PHACTR3: variants seen among roughly 807,000 people sequenced by gnomAD.
PHACTR3 encodes the protein phosphatase and actin regulator 3, also known as protein phosphatase 1, regulatory subunit 123.
Under a neutral mutation model 66.8 loss-of-function variants are expected in PHACTR3, and 16 were observed. The ratio of observed to expected loss-of-function variants is 0.24; its 90% confidence interval spans 0.16 to 0.36. PHACTR3 has a LOEUF of 0.36. Ranked by LOEUF, PHACTR3 falls within the 10% of genes least tolerant of loss-of-function variation. PHACTR3 has a pLI of 1.00. For synonymous variants in PHACTR3, 323 were observed against 292.1 expected (o/e 1.11, Z -1.08); for missense variants, 647 against 719.9 (o/e 0.90, Z 1.16).
chr20:59,598,108 G>A (rs1276029066), intron 1 of PHACTR3, among the ~76,000 whole-genome samples: 4 of 151,936 alleles, frequency 2.6e-5, no homozygotes, highest in African/African-American at 9.7e-5. Context: ...AAGAGTGCAG[G>A]GGCCAGTGGG....
chr20:59,833,357 G>C (rs999402242), intron 8 of PHACTR3, among the ~76,000 whole-genome samples: 2 of 152,240 alleles, frequency 1.3e-5, no homozygotes, highest in Admixed American at 1.3e-4. Flanking sequence ...AGGTGTACCA[G>C]TTGGATGAAA....
At chr20:59,840,462 A>C in intron 10 of PHACTR3, 32 bp downstream of exon 10, 1 of 1,611,318 alleles carries the variant, frequency 6.2e-7, no homozygotes, top group Non-Finnish European at 8.5e-7. Flanking sequence ...CTGAATAATA[A>C]AAGGTGGTCT....
chr20:59,793,668 T>C (rs4810189), intron 7 of PHACTR3, among the ~76,000 whole-genome samples: 111,502 of 152,108 alleles, frequency 0.73, 46,064 homozygotes, highest in Non-Finnish European at 0.93. Flanking sequence ...TTTTAACAGT[T>C]TTTTGGTGAG....
chr20:59,598,259 A>C (rs558726656), intron 1 of PHACTR3, among the ~76,000 whole-genome samples: 1 of 152,348 alleles, frequency 6.6e-6, no homozygotes, highest in South Asian at 2.1e-4. Context: ...CGGAAGGAGA[A>C]TATCAAAGGG....
intron 7 of PHACTR3, among the ~76,000 whole-genome samples, chr20:59,793,798 C>G (rs2041172522): frequency 6.6e-6 from 1 of 151,290 alleles, no homozygotes; most frequent in Non-Finnish European, 1.5e-5. Context: ...GCTAGGACTT[C>G]TAGTATTTTG....
chr20:59,809,014 C>T (rs900051762), intron 8 of PHACTR3, among the ~76,000 whole-genome samples: 1 of 152,190 alleles, frequency 6.6e-6, no homozygotes, highest in Non-Finnish European at 1.5e-5. Flanking sequence ...ACAGAACGCT[C>T]CCCGGGTGAG....
At chr20:59,608,056 T>A (rs1420534731) in intron 1 of PHACTR3, among the ~76,000 whole-genome samples, 1 of 152,200 alleles carries the variant, frequency 6.6e-6, no homozygotes, top group Non-Finnish European at 1.5e-5. Flanking sequence ...ATTCACACTT[T>A]CCGTAATCTA....
At chr20:59,816,146 C>T (rs962230513) in intron 8 of PHACTR3, among the ~76,000 whole-genome samples, 1 of 151,516 alleles carries the variant, frequency 6.6e-6, no homozygotes, top group African/African-American at 2.4e-5. Context: ...TGATGGGAAA[C>T]AGGGATGGAT....
chr20:59,827,084 G>A (rs186592071), intron 8 of PHACTR3, among the ~76,000 whole-genome samples: 10,087 of 152,026 alleles, frequency 0.066, 679 homozygotes, highest in African/African-American at 0.18. Flanking sequence ...AGGTGACCTG[G>A]ATGTCCCTTG....
intron 1 of PHACTR3, among the ~76,000 whole-genome samples, chr20:59,734,489 C>T (rs936394287): frequency 6.6e-6 from 1 of 152,160 alleles, no homozygotes; most frequent in African/African-American, 2.4e-5. Flanking sequence ...AACTCATGCC[C>T]TCAAGCAGCC....
intron 7 of PHACTR3, among the ~76,000 whole-genome samples, chr20:59,787,647 T>A (rs2146945867): frequency 6.6e-6 from 1 of 152,260 alleles, no homozygotes; most frequent in East Asian, 1.9e-4. Flanking sequence ...CCCATTCCAC[T>A]CCTTAGACAG....
intron 8 of PHACTR3, among the ~76,000 whole-genome samples, chr20:59,812,373 TG>T (rs1482200981): frequency 6.6e-6 from 1 of 152,222 alleles, no homozygotes; most frequent in Non-Finnish European, 1.5e-5. Flanking sequence ...CGTTTTGTCC[TG>T]TGGCCTCCAG....
At chr20:59,606,139 C>T (rs2033660204) in intron 1 of PHACTR3, among the ~76,000 whole-genome samples, 1 of 152,096 alleles carries the variant, frequency 6.6e-6, no homozygotes, top group South Asian at 2.1e-4. Flanking sequence ...ATGCAACGAC[C>T]CCAGATGGGG....
chr20:59,768,799 C>T (rs2040268934), intron 5 of PHACTR3, among the ~76,000 whole-genome samples: 1 of 152,204 alleles, frequency 6.6e-6, no homozygotes, highest in Non-Finnish European at 1.5e-5. Flanking sequence ...TCCTTGTACA[C>T]CTAACACGAA....
At chr20:59,728,171 C>T (rs1166361676) in intron 1 of PHACTR3, among the ~76,000 whole-genome samples, 1 of 152,146 alleles carries the variant, frequency 6.6e-6, no homozygotes, top group Non-Finnish European at 1.5e-5. Flanking sequence ...TGCCCATTCT[C>T]CCCTCCCACA....
intron 1 of PHACTR3, among the ~76,000 whole-genome samples, chr20:59,605,859 G>C (rs1441626414): frequency 1.7e-3 from 10 of 6,042 alleles, no homozygotes; most frequent in Non-Finnish European, 2.3e-3. Flanking sequence ...GGGGGGAGGT[G>C]GGGGGGGGGG....
At position 59,787,682 on chromosome 20, in the gene PHACTR3, G is replaced by C. The variant is rs184660638; in HGVS notation, c.1174+13192G>C. Among the ~76,000 whole-genome samples the C allele has an allele frequency of 2.3e-3, 344 of 152,318 alleles. 4 individuals are homozygous for C. Among genetic ancestry groups the C allele is most frequent in the African/African-American group, 8.2e-3 (340 of 41,556 alleles). On this transcript the variant is annotated intron_variant, in intron 7 of 12. Transcript: ENST00000371015. ...GCCCCTCTGGCCAGGAGCTGGAGAG[G>C]AGAGTTTCCAGTGCCATTCCTTAGT...
At chr20:59,601,518 GT>G (rs1424602198), upstream of PHACTR3, among the ~76,000 whole-genome samples, 15 of 152,322 alleles carry the variant, frequency 9.8e-5, no homozygotes, top group East Asian at 2.9e-3. Flanking sequence ...ACAAAAACCT[GT>G]TGTGGGCCCT....
At chr20:59,803,081 G>T (rs544467457) in intron 7 of PHACTR3, among the ~76,000 whole-genome samples, 4 of 152,222 alleles carry the variant, frequency 2.6e-5, no homozygotes, top group South Asian at 2.1e-4. Flanking sequence ...ATGACAGTTT[G>T]GGGGGAATGA....
Sources: gnomAD v4.1 joint callset for allele counts (sites outside exome capture counted in the v4.1 genomes callset) on GRCh38, gnomAD v4.1.1 for gene constraint, MANE v1.5 for transcripts, NCBI Gene and HGNC (gene_info 2026-07-23, HGNC 2026-07-21) for gene names.